Variants in ZHX2 observed in about 807,000 individuals in gnomAD.
ZHX2 encodes zinc fingers and homeoboxes 2.
A neutral mutation model predicts 21.9 loss-of-function variants in ZHX2; 6 were observed. The observed-to-expected ratio is 0.27, with a 90% CI of 0.15 to 0.54. ZHX2 has a LOEUF of 0.54. Ranked by LOEUF, ZHX2 falls within the 20% of genes least tolerant of loss-of-function variation. ZHX2 has a pLI of 0.95. For synonymous variants in ZHX2, 434 were observed against 437.1 expected (o/e 0.99, Z 0.09); for missense variants, 908 against 1,090.7 (o/e 0.83, Z 2.36).
chr8:122,813,315 G>A (rs1817968841), intron 1 of ZHX2, among the ~76,000 whole-genome samples: 1 of 152,120 alleles, frequency 6.6e-6, no homozygotes, highest in African/African-American at 2.4e-5. Flanking sequence ...GAAAGTCATA[G>A]CCAAGAGCAT....
At chr8:122,824,760 G>T (rs1818227419) in intron 1 of ZHX2, among the ~76,000 whole-genome samples, 1 of 152,232 alleles carries the variant, frequency 6.6e-6, no homozygotes, top group Non-Finnish European at 1.5e-5. Flanking sequence ...ACAGAAATTT[G>T]TTATTTGACA....
At chr8:122,902,026 A>G (rs185166428) in intron 2 of ZHX2, among the ~76,000 whole-genome samples, 2 of 152,306 alleles carry the variant, frequency 1.3e-5, no homozygotes, top group East Asian at 3.9e-4. Context: ...TACGTGAAAA[A>G]AAAAAAGAAT....
Position 122,782,706 on chromosome 8 carries a change from C to A in ZHX2, c.-283+760C>A, listed in dbSNP as rs1002373790. On this transcript the variant is annotated intron_variant, in intron 1 of 3. Transcript: ENST00000314393. This position sits in a 1 kb window ranked among gnomAD's most constrained non-coding sequence, Gnocchi z 5.3. ...GCGCGGCGCTGTCCTCACCCCCGCTCAGGTGCAGGGGGAGTCCGCGCGGGG... is the reference window on the plus strand; with the variant it reads ...GCGCGGCGCTGTCCTCACCCCCGCTAAGGTGCAGGGGGAGTCCGCGCGGGG... Among the ~76,000 whole-genome samples, 3 of 152,052 alleles carry A rather than the reference C, an allele frequency of 2.0e-5. No individual in the cohort carries two copies. Among genetic ancestry groups the A allele is most frequent in the African/African-American group, 4.8e-5 (2 of 41,436 alleles).
intron 1 of ZHX2, among the ~76,000 whole-genome samples, chr8:122,817,901 G>A (rs1818068155): frequency 6.6e-6 from 1 of 152,210 alleles, no homozygotes; most frequent in African/African-American, 2.4e-5. Context: ...GGCCAAAGCT[G>A]TCTATTATGA....
At chr8:122,895,440 C>T (rs1398914581) in intron 2 of ZHX2, among the ~76,000 whole-genome samples, 1 of 152,214 alleles carries the variant, frequency 6.6e-6, no homozygotes, top group Non-Finnish European at 1.5e-5. Context: ...TTATTTCCAG[C>T]ATAATTGGCT....
intron 2 of ZHX2, among the ~76,000 whole-genome samples, chr8:122,896,044 A>C (rs1315027441): frequency 1.3e-5 from 2 of 152,036 alleles, no homozygotes; most frequent in Non-Finnish European, 2.9e-5. Context: ...TGCTGACAGG[A>C]GGGGCTGATG....
chr8:122,912,212 G>C (rs974671791), intron 2 of ZHX2, among the ~76,000 whole-genome samples: 9 of 152,196 alleles, frequency 5.9e-5, no homozygotes, highest in African/African-American at 2.2e-4. Context: ...ACATAGCACA[G>C]ACTCAGAGAG....
chr8:122,953,791 C>T lies in ZHX2; in HGVS notation c.2281C>T (p.Pro761Ser), dbSNP rs748858018. The T allele has an allele frequency of 3.1e-6, 5 of 1,614,128 alleles. No individual in the cohort carries two copies. The African/African-American group carries it at 6.7e-5, about 22-fold the overall frequency. ...VGSEPAKDCL[P>S]AKPSEATSDR... ...CAGCGAGCCAGCAAAAGACTGTTTGCCAGCAAAGCCCTCAGAGGCCACCTC... is the reference window on the plus strand; with the variant it reads ...CAGCGAGCCAGCAAAAGACTGTTTGTCAGCAAAGCCCTCAGAGGCCACCTC... The change falls in exon 3 of 4, where the codon CCA becomes TCA. Residue 761 changes from proline (P) to serine (S), a missense_variant. Physicochemically the swap from Pro to Ser is moderately conservative, Grantham distance 74. This residue lies in a region of ZHX2 where 431 missense variants were observed against 428.6 expected (regional missense o/e 1.01). Coordinates refer to ENST00000314393, the MANE Select transcript of ZHX2 (RefSeq NM_014943.5). This position sits in a 1 kb window ranked among gnomAD's most constrained non-coding sequence, Gnocchi z 4.6.
chr8:122,905,386 T>TA (rs1491051322), intron 2 of ZHX2, among the ~76,000 whole-genome samples: 17 of 152,118 alleles, frequency 1.1e-4, no homozygotes, highest in African/African-American at 4.1e-4. Context: ...AACATTTTTT[T>TA]TAAAAACTGT....
chr8:122,951,490 C>T lies in ZHX2; in HGVS notation c.-21C>T, dbSNP rs1321837225. On this transcript the variant is annotated 5_prime_UTR_variant, in exon 3 of 4. Transcript: ENST00000314393. ...TCCTTATCCCCCTCCAAAAATAAGC[C>T]ATTGCACACAGACAGGCAGCATGGC... 2 of 1,595,050 alleles carry T rather than the reference C, an allele frequency of 1.3e-6. No individual in the cohort carries two copies. The highest frequency in any genetic ancestry group is 2.7e-5 in the African/African-American group (2 of 74,396).
Position 122,952,202 on chromosome 8 carries a change from G to A in ZHX2, c.692G>A (p.Gly231Glu). The A allele has an allele frequency of 1.2e-6, 2 of 1,613,434 alleles. No homozygotes were observed. The highest frequency in any genetic ancestry group is 1.7e-6 in the Non-Finnish European group (2 of 1,179,900). ...DTAEILSRLG[G>E]VELLQDTLGH... ...GCTGAGATCCTCTCGAGACTCGGCG[G>A]GGTGGAGCTCCTCCAAGACACATTA... Residue 231 changes from glycine (G) to glutamate (E), a missense_variant, in exon 3 of 4, where the codon GGG becomes GAG. Physicochemically the swap from Gly to Glu is moderately conservative, Grantham distance 98. Transcript: ENST00000314393. The surrounding 1 kb of genome is among the most constrained non-coding windows in gnomAD (Gnocchi z 6.9).
At chr8:122,887,049 CCGTGTG>C (rs1430299544) in intron 2 of ZHX2, among the ~76,000 whole-genome samples, 3 of 110,432 alleles carry the variant, frequency 2.7e-5, no homozygotes, top group African/African-American at 1.2e-4. Flanking sequence ...TGCTCTGCCA[CCGTGTG>C]TGTGTGTGTG....
In ZHX2 at chr8:122,952,213, C is replaced by T. The variant is rs959979909; in HGVS notation, c.703C>T (p.Leu235Phe). The change falls in exon 3 of 4, where the codon CTC (leucine) becomes TTC (phenylalanine). Residue 235 changes from leucine (L) to phenylalanine (F), a missense_variant. Leu to Phe is a conservative substitution (Grantham distance 22). Coordinates refer to ENST00000314393, the MANE Select transcript of ZHX2 (RefSeq NM_014943.5). The surrounding 1 kb of genome is among the most constrained non-coding windows in gnomAD (Gnocchi z 6.9). ...CTCGAGACTCGGCGGGGTGGAGCTC[C>T]TCCAAGACACATTAGGACACGTCAT... Reference protein sequence around the residue: ...ILSRLGGVELLQDTLGHVMPS... With the variant: ...ILSRLGGVELFQDTLGHVMPS... The T allele has an allele frequency of 5.6e-6, 9 of 1,613,686 alleles. No individual in the cohort carries two copies. The highest frequency in any genetic ancestry group is 1.3e-5 in the African/African-American group (1 of 74,768).
chr8:122,879,389 T>C (rs1364963384), intron 2 of ZHX2, among the ~76,000 whole-genome samples: 1 of 151,982 alleles, frequency 6.6e-6, no homozygotes, highest in Non-Finnish European at 1.5e-5. Context: ...GTATTTTTAG[T>C]AGAGATGGGG....
intron 3 of ZHX2, among the ~76,000 whole-genome samples, chr8:122,956,731 G>A (rs544490206): frequency 2.0e-5 from 3 of 152,304 alleles, no homozygotes; most frequent in African/African-American, 7.2e-5. Context: ...TATTCTGAAC[G>A]AGTTATGTTT....
chr8:122,828,137 C>G lies in ZHX2; in HGVS notation c.-282-35340C>G, dbSNP rs1156732072. ...TAAATAAATAAATAAAAGAGAAAAG[C>G]TGGCTCGCAGGAGAGACCTAAGGGC... On this transcript the variant is annotated intron_variant, in intron 1 of 3. Transcript: ENST00000314393. The surrounding 1 kb of genome is among the most constrained non-coding windows in gnomAD (Gnocchi z 5.2). 1.3e-5 allele frequency among the ~76,000 whole-genome samples: 2 copies of G among 152,056 alleles called. No individual in the cohort carries two copies. Among genetic ancestry groups the G allele is most frequent in the African/African-American group, 4.8e-5 (2 of 41,384 alleles).
intron 3 of ZHX2, among the ~76,000 whole-genome samples, chr8:122,969,471 A>G (rs1415982178): frequency 2.0e-5 from 3 of 152,134 alleles, no homozygotes; most frequent in Non-Finnish European, 4.4e-5. Flanking sequence ...TGACAGTAAC[A>G]TGAGTGTATG....
rs1026995309 is a variant in ZHX2, at chr8:122,816,446, C to G, written c.-283+34500C>G. On this transcript the variant is annotated intron_variant, in intron 1 of 3. Transcript: ENST00000314393. Reference sequence around the variant, plus strand: ...ATAATAAACATAATAATGAATCTATCTTTTTTTTTTTTTTTTTTGAGACAG... The same window carrying G: ...ATAATAAACATAATAATGAATCTATGTTTTTTTTTTTTTTTTTTGAGACAG... The G allele has an allele frequency of 5.5e-5, 7 of 127,862 alleles. No individual in the cohort carries two copies. In the Admixed American group the frequency reaches 5.5e-4, roughly 10 times the overall value. The allele number at this position is 127,862 out of a possible 1,614,324, so 7.9% of individuals were successfully genotyped here.
intron 2 of ZHX2, among the ~76,000 whole-genome samples, chr8:122,930,479 G>A (rs2130137085): frequency 6.6e-6 from 1 of 151,938 alleles, no homozygotes; most frequent in East Asian, 1.9e-4. Context: ...TAAGAATTTT[G>A]CCTCCGTGGT....
Sources: gnomAD v4.1 joint callset for allele counts (sites outside exome capture counted in the v4.1 genomes callset) on GRCh38, gnomAD v4.1.1 for gene constraint, gnomAD v4.1.1 regional missense constraint, Gnocchi (gnomAD v3.1) non-coding constraint, MANE v1.5 for transcripts, NCBI Gene and HGNC (gene_info 2026-07-23, HGNC 2026-07-21) for gene names.